GALNTL6: variants seen among roughly 807,000 people sequenced by gnomAD.
The protein encoded by GALNTL6 is polypeptide N-acetylgalactosaminyltransferase-like 6.
Under a neutral mutation model 73.7 loss-of-function variants are expected in GALNTL6, and 46 were observed. The ratio of observed to expected loss-of-function variants is 0.62; its 90% CI spans 0.49 to 0.80. The LOEUF (loss-of-function observed/expected upper bound fraction) is 0.80, where lower values mean the gene tolerates loss of function less well. GALNTL6 is among the 30% of genes least tolerant of loss of function. GALNTL6 has a pLI of 0.00. For synonymous variants in GALNTL6, 259 were observed against 263.7 expected, an observed-to-expected ratio of 0.98 and a Z score of 0.17; for missense variants, 604 against 755.0, an observed-to-expected ratio of 0.80 and a Z score of 2.34.
At chr4:172,501,992 G>A (rs1734277291) in intron 5 of GALNTL6, among the ~76,000 whole-genome samples, 1 of 152,066 alleles carries the variant, frequency 6.6e-6, no homozygotes, top group Non-Finnish European at 1.5e-5. Flanking sequence ...ATTTCCTACT[G>A]CAAAGAATTT....
chr4:172,965,139 A>G (rs924664206), intron 10 of GALNTL6, among the ~76,000 whole-genome samples: 5 of 152,172 alleles, frequency 3.3e-5, no homozygotes, highest in Admixed American at 3.3e-4. Flanking sequence ...GTGCTGGTAC[A>G]CTATGCTAAG....
intron 8 of GALNTL6, among the ~76,000 whole-genome samples, chr4:172,916,961 C>A (rs1333576123): frequency 6.6e-6 from 1 of 152,256 alleles, no homozygotes; most frequent in South Asian, 2.1e-4. Context: ...GCAAAAAGAA[C>A]AAAGCTGGAG....
At chr4:172,869,358 C>T (rs1378971122) in intron 7 of GALNTL6, among the ~76,000 whole-genome samples, 1 of 152,088 alleles carries the variant, frequency 6.6e-6, no homozygotes, top group Non-Finnish European at 1.5e-5. Flanking sequence ...GCTTGAAACA[C>T]AAATTTGCGT....
intron 2 of GALNTL6, among the ~76,000 whole-genome samples, chr4:172,226,597 G>C (rs138441794): frequency 0.021 from 225 of 10,960 alleles, no homozygotes; most frequent in Admixed American, 0.032. Context: ...GTCTGTGTGT[G>C]TGTGTTTCTG....
intron 2 of GALNTL6, among the ~76,000 whole-genome samples, chr4:171,962,383 G>C (rs1739246370): frequency 6.6e-6 from 1 of 152,148 alleles, no homozygotes; most frequent in African/African-American, 2.4e-5. Context: ...CAAAGACATG[G>C]CTGATAAAAC....
intron 8 of GALNTL6, among the ~76,000 whole-genome samples, chr4:172,919,126 T>C (rs1286463059): frequency 2.0e-5 from 3 of 152,194 alleles, no homozygotes; most frequent in Non-Finnish European, 4.4e-5. Context: ...CCTCACTGTT[T>C]ACGAAAAGAG....
intron 5 of GALNTL6, among the ~76,000 whole-genome samples, chr4:172,534,301 C>T (rs1735269221): frequency 1.3e-5 from 2 of 152,100 alleles, no homozygotes; most frequent in Admixed American, 6.6e-5. Flanking sequence ...CTAGAAAATC[C>T]CTTACACACA....
chr4:172,099,575 G>T (rs189133187), intron 2 of GALNTL6, among the ~76,000 whole-genome samples: 43 of 152,230 alleles, frequency 2.8e-4, no homozygotes, highest in African/African-American at 1.0e-3. Flanking sequence ...CAGGGAGAGG[G>T]AATGGCAAGG....
At chr4:171,925,029 G>A (rs1219043639) in intron 2 of GALNTL6, among the ~76,000 whole-genome samples, 4 of 152,192 alleles carry the variant, frequency 2.6e-5, no homozygotes, top group Non-Finnish European at 4.4e-5. Flanking sequence ...AGACACCAAA[G>A]ATATGTGAAT....
At chr4:172,465,104 C>G (rs1732759886) in intron 5 of GALNTL6, among the ~76,000 whole-genome samples, 1 of 152,110 alleles carries the variant, frequency 6.6e-6, no homozygotes, top group African/African-American at 2.4e-5. Context: ...ACTTTGTTAT[C>G]TAGGGTTCAG....
chr4:172,031,139 C>T (rs568628687), intron 2 of GALNTL6, among the ~76,000 whole-genome samples: 35 of 152,214 alleles, frequency 2.3e-4, no homozygotes, highest in South Asian at 1.2e-3. Flanking sequence ...TGATGACAGC[C>T]GTTTCTCGGC....
At chr4:171,873,347 A>C (rs1019712664) in intron 2 of GALNTL6, among the ~76,000 whole-genome samples, 2 of 152,222 alleles carry the variant, frequency 1.3e-5, no homozygotes, top group South Asian at 2.1e-4. Context: ...AAGTTCATTT[A>C]TCTTTTCTAC....
At chr4:172,444,964 C>T (rs1731968750) in intron 5 of GALNTL6, among the ~76,000 whole-genome samples, 1 of 152,122 alleles carries the variant, frequency 6.6e-6, no homozygotes, top group African/African-American at 2.4e-5. Flanking sequence ...GTAGATGTGG[C>T]TGAGAATGCA....
chr4:172,099,917 C>T (rs1732465734), intron 2 of GALNTL6, among the ~76,000 whole-genome samples: 1 of 152,010 alleles, frequency 6.6e-6, no homozygotes, highest in African/African-American at 2.4e-5. Flanking sequence ...CAGGGAGTCA[C>T]CAAGAGTGTT....
intron 5 of GALNTL6, among the ~76,000 whole-genome samples, chr4:172,727,103 A>G (rs1735861882): frequency 6.6e-6 from 1 of 152,260 alleles, no homozygotes; most frequent in Admixed American, 6.5e-5. Context: ...CTACCTTAAT[A>G]TTAAAGTTAA....
At chr4:172,575,347 A>G (rs149229373) in intron 5 of GALNTL6, among the ~76,000 whole-genome samples, 39 of 152,288 alleles carry the variant, frequency 2.6e-4, no homozygotes, top group African/African-American at 8.9e-4. Context: ...AATCATGATG[A>G]AAGTCCATTG....
Position 172,724,260 on chromosome 4 carries a change from C to T in GALNTL6, c.554-85101C>T, listed in dbSNP as rs527431331. Among the ~76,000 whole-genome samples the T allele has an allele frequency of 3.3e-5, 5 of 152,150 alleles. No homozygotes were observed. In the South Asian group the frequency reaches 6.2e-4, roughly 19 times the overall value. ...ACTTCTCCCACCCACATCATCAGTCCTTTATTTCAAGCCATTAGTCTATTA... is the reference window on the plus strand; with the variant it reads ...ACTTCTCCCACCCACATCATCAGTCTTTTATTTCAAGCCATTAGTCTATTA... On this transcript the variant is annotated intron_variant, in intron 5 of 12. Transcript: ENST00000506823.
chr4:172,099,857 C>G (rs1049525598), intron 2 of GALNTL6, among the ~76,000 whole-genome samples: 5 of 152,084 alleles, frequency 3.3e-5, no homozygotes, highest in African/African-American at 7.2e-5. Flanking sequence ...TTTCTGGTCA[C>G]TCTCTGCACT....
chr4:172,237,051 C>A (rs1185892923), intron 3 of GALNTL6, among the ~76,000 whole-genome samples: 1 of 152,144 alleles, frequency 6.6e-6, no homozygotes, highest in African/African-American at 2.4e-5. Context: ...TGATTTCATT[C>A]TTTTTTATGG....
Sources: allele counts gnomAD v4.1 joint callset (sites outside exome capture counted in the v4.1 genomes callset), GRCh38; gene constraint gnomAD v4.1.1; transcripts MANE v1.5; gene names NCBI Gene and HGNC (gene_info 2026-07-23, HGNC 2026-07-21).